Variants in ADAMTS12 observed in about 807,000 individuals in gnomAD.
The protein encoded by ADAMTS12 is ADAM metallopeptidase with thrombospondin type 1 motif 12.
Under a neutral mutation model 167.8 loss-of-function variants are expected in ADAMTS12, and 118 were observed. The observed-to-expected ratio is 0.70, with a 90% CI of 0.61 to 0.82. The LOEUF is 0.82. ADAMTS12 is among the 40% of genes least tolerant of loss of function. ADAMTS12 has a pLI of 0.00. For missense variants in ADAMTS12, 1,916 were observed against 1,998.8 expected (o/e 0.96, Z 0.79); for synonymous variants, 704 against 716.9 (o/e 0.98, Z 0.29).
intron 2 of ADAMTS12, among the ~76,000 whole-genome samples, chr5:33,819,575 T>G (rs1484154667): frequency 2.0e-5 from 3 of 152,158 alleles, no homozygotes; most frequent in Non-Finnish European, 4.4e-5. Flanking sequence ...TTTGTTTTTG[T>G]TTTTTGCATG....
intron 5 of ADAMTS12, among the ~76,000 whole-genome samples, chr5:33,674,962 T>A (rs1460151862): frequency 6.6e-6 from 1 of 152,130 alleles, no homozygotes; most frequent in African/African-American, 2.4e-5. Context: ...GTTGTTATCA[T>A]GGGAGTGAGT....
intron 18 of ADAMTS12, among the ~76,000 whole-genome samples, chr5:33,579,996 T>C (rs747131769): frequency 4.7e-5 from 7 of 148,654 alleles, no homozygotes; most frequent in Non-Finnish European, 1.1e-4. Context: ...TACAAGATAC[T>C]GTGGAGATCC....
At chr5:33,783,088 G>A (rs1191165151) in intron 2 of ADAMTS12, among the ~76,000 whole-genome samples, 1 of 151,908 alleles carries the variant, frequency 6.6e-6, no homozygotes, top group Non-Finnish European at 1.5e-5. Context: ...CTGAACACCA[G>A]AATATTAAAT....
chr5:33,664,986 T>TA (rs551018502), intron 5 of ADAMTS12, among the ~76,000 whole-genome samples: 5 of 151,394 alleles, frequency 3.3e-5, no homozygotes, highest in Admixed American at 6.6e-5. Context: ...CCACCCAACA[T>TA]AAAAAACTGG....
chr5:33,685,979 G>A (rs1432902480), intron 3 of ADAMTS12, among the ~76,000 whole-genome samples: 1 of 152,086 alleles, frequency 6.6e-6, no homozygotes, highest in Non-Finnish European at 1.5e-5. Flanking sequence ...AGCCCACGTG[G>A]GCTGGTGTTT....
chr5:33,680,648 A>G (rs1390527109), intron 5 of ADAMTS12, among the ~76,000 whole-genome samples: 1 of 152,074 alleles, frequency 6.6e-6, no homozygotes, highest in African/African-American at 2.4e-5. Flanking sequence ...CAAAAACACA[A>G]TTTTCATACA....
chr5:33,529,869 T>C (rs1744010634), intron 23 of ADAMTS12, among the ~76,000 whole-genome samples: 1 of 152,152 alleles, frequency 6.6e-6, no homozygotes, highest in African/African-American at 2.4e-5. Flanking sequence ...ACCCTGTCTC[T>C]CTTAAAACCC....
At position 33,596,052 on chromosome 5, in the gene ADAMTS12, G is replaced by T; in HGVS notation, c.2536C>A (p.Arg846Ser). 1 of 1,613,940 alleles carries T rather than the reference G, an allele frequency of 6.2e-7. No individual in the cohort carries two copies. The highest frequency in any genetic ancestry group is 1.3e-5 in the African/African-American group (1 of 75,030). ...CSVTCGTGIR[R>S]QTAHCIKKGR... is the part of the protein sequence containing the mutation. ...TTCTTTATGCAATGGGCAGTTTGGC[G>T]GCGGATACCTGGGGGTCAGACAGAA... The change falls in exon 17 of 24, where the codon CGC becomes AGC. Residue 846 changes from arginine to serine, a missense_variant. Physicochemically the swap from Arg to Ser is moderately radical, Grantham distance 110 (BLOSUM62 -1). Transcript: ENST00000504830.
Position 33,816,932 on chromosome 5 carries a change from A to G in ADAMTS12, c.489+64187T>C, listed in dbSNP as rs554242263. Among the ~76,000 whole-genome samples, 7 of 152,334 alleles carry G rather than the reference A, an allele frequency of 4.6e-5. No individual in the cohort carries two copies. In the East Asian group the frequency reaches 1.3e-3, roughly 29 times the overall value. On this transcript the variant is annotated intron_variant, in intron 2 of 23. Transcript: ENST00000504830. ...CTGAAACATTTCCAAACAAGTTTCC[A>G]AGCAACATAAACTATTGTTTCCCTC... is the stretch of plus-strand genomic sequence containing the variant.
Position 33,523,732 on chromosome 5 carries a change from G to A in ADAMTS12, c.*3456C>T, listed in dbSNP as rs1180981756. The A allele has an allele frequency of 6.6e-6, 1 of 152,182 alleles. No homozygotes were observed. The highest frequency in any genetic ancestry group is 1.5e-5 in the Non-Finnish European group (1 of 68,028). The allele number at this position is 152,182 out of a possible 1,614,324, so 9.4% of individuals were successfully genotyped here. A position where few individuals can be genotyped will look rare whatever the true frequency, so the allele number is the denominator to read the frequency against. On this transcript the variant is annotated 3_prime_UTR_variant, in exon 24 of 24. Coordinates refer to ENST00000504830, the MANE Select transcript of ADAMTS12 (RefSeq NM_030955.4). ...TTATTTTGGAGGACAATGATGGGTA[G>A]GATTGTGCTTTACCCACCATGTTTT...
chr5:33,600,585 TTAAGA>T (rs1277996578), intron 16 of ADAMTS12, among the ~76,000 whole-genome samples: 2 of 152,210 alleles, frequency 1.3e-5, no homozygotes, highest in Admixed American at 6.5e-5. Context: ...ATGTATAAAC[TTAAGA>T]TTAGATACTT....
At chr5:33,855,553 C>T (rs2961909) in intron 2 of ADAMTS12, among the ~76,000 whole-genome samples, 4,351 of 152,146 alleles carry the variant, frequency 0.029, 181 homozygotes, top group East Asian at 0.2. Flanking sequence ...GTCTTCATCT[C>T]GATGTAAAGG....
intron 11 of ADAMTS12, among the ~76,000 whole-genome samples, chr5:33,638,051 A>G (rs1481771875): frequency 6.6e-6 from 1 of 152,124 alleles, no homozygotes; most frequent in East Asian, 1.9e-4. Flanking sequence ...TCTGATTCCT[A>G]TTTGGTGAGT....
Position 33,683,909 on chromosome 5 carries a change from A to T in ADAMTS12, c.781T>A (p.Tyr261Asn). 2 of 1,603,580 alleles carry T rather than the reference A, an allele frequency of 1.2e-6. No homozygotes were observed. Among genetic ancestry groups the T allele is most frequent in the Non-Finnish European group, 1.7e-6 (2 of 1,175,060 alleles). ...GACTCCACATTCTCACTCCCATGGTATTCAATCATCTTTGTGTCGGCCACC... is the reference window on the plus strand; with the variant it reads ...GACTCCACATTCTCACTCCCATGGTTTTCAATCATCTTTGTGTCGGCCACC... ...LVVADTKMIE[Y>N]HGSENVESYI... Residue 261 changes from tyrosine to asparagine, a missense_variant, in exon 4 of 24, where the codon TAC becomes AAC. By Grantham distance (143) the Tyr-to-Asn change is moderately radical. Coordinates refer to ENST00000504830, the MANE Select transcript of ADAMTS12 (RefSeq NM_030955.4).
chr5:33,725,309 T>C (rs1743943206), intron 3 of ADAMTS12, among the ~76,000 whole-genome samples: 1 of 152,198 alleles, frequency 6.6e-6, no homozygotes, highest in South Asian at 2.1e-4. Context: ...CCTGGCTCCC[T>C]AGACACAGTC....
chr5:33,585,769 T>G (rs1164650560), intron 18 of ADAMTS12, among the ~76,000 whole-genome samples: 1 of 152,042 alleles, frequency 6.6e-6, no homozygotes, highest in East Asian at 1.9e-4. Context: ...GAACATAAGC[T>G]TAGAGAAAAG....
chr5:33,566,720 C>T (rs1487333018), intron 19 of ADAMTS12, among the ~76,000 whole-genome samples: 1 of 152,136 alleles, frequency 6.6e-6, no homozygotes, highest in Non-Finnish European at 1.5e-5. Context: ...TAGATATTCA[C>T]CATAATCCTT....
At chr5:33,594,237 C>G (rs560039738) in intron 17 of ADAMTS12, among the ~76,000 whole-genome samples, 5 of 152,336 alleles carry the variant, frequency 3.3e-5, no homozygotes, top group African/African-American at 1.2e-4. Context: ...GGCTCTCATT[C>G]TCTCTTGTCT....
At chr5:33,886,631 C>T (rs1428544863) in intron 1 of ADAMTS12, among the ~76,000 whole-genome samples, 1 of 152,158 alleles carries the variant, frequency 6.6e-6, no homozygotes, top group African/African-American at 2.4e-5. Context: ...CCTCTTTACA[C>T]CTCAATTTGC....
Sources: allele counts gnomAD v4.1 joint callset (sites outside exome capture counted in the v4.1 genomes callset), GRCh38; gene constraint gnomAD v4.1.1; transcripts MANE v1.5; gene names NCBI Gene and HGNC (gene_info 2026-07-23, HGNC 2026-07-21).